The following ZNF704 variants were observed in gnomAD, a reference collection of about 807,000 sequenced individuals.
The protein encoded by ZNF704 is zinc finger protein 704, also known as glucocorticoid induced gene 1.
In ZNF704, 10 loss-of-function variants were observed where a neutral mutation model predicts 44.7. The ratio of observed to expected loss-of-function variants is 0.22; its 90% confidence interval spans 0.14 to 0.38. The LOEUF is 0.38. ZNF704 is among the 10% of genes least tolerant of loss of function. The pLI is 1.00. For missense variants in ZNF704, 390 were observed against 545.5 expected, an observed-to-expected ratio of 0.71 and a Z score of 2.84; for synonymous variants, 211 against 207.6, an observed-to-expected ratio of 1.02 and a Z score of -0.14.
chr8:80,803,990 CA>C (rs901644330), intron 2 of ZNF704, among the ~76,000 whole-genome samples: 8 of 151,304 alleles, frequency 5.3e-5, no homozygotes, highest in Admixed American at 1.3e-4. Context: ...TTAGAAGAAA[CA>C]AAAAAATCCA....
chr8:80,840,631 C>G (rs1317497134), intron 1 of ZNF704, among the ~76,000 whole-genome samples: 1 of 152,074 alleles, frequency 6.6e-6, no homozygotes, highest in Non-Finnish European at 1.5e-5. Flanking sequence ...TGCTCTATTC[C>G]CCGTCAGTCA....
At chr8:80,681,512 C>A (rs553489391) in intron 4 of ZNF704, among the ~76,000 whole-genome samples, 2 of 151,964 alleles carry the variant, frequency 1.3e-5, no homozygotes, top group Non-Finnish European at 2.9e-5. Flanking sequence ...TTGACTGAAG[C>A]GGCGTATGAG....
chr8:80,881,569 G>A, the ZNF704 span, among the ~76,000 whole-genome samples: 4 of 152,166 alleles, frequency 2.6e-5, no homozygotes, highest in African/African-American at 7.2e-5. Context: ...TAACCTCTGG[G>A]GAGGTGAACA....
chr8:80,752,854 T>G (rs1310692475), intron 2 of ZNF704, among the ~76,000 whole-genome samples: 2 of 152,168 alleles, frequency 1.3e-5, no homozygotes, highest in Non-Finnish European at 2.9e-5. Context: ...AAAATAATCT[T>G]TTAAAGTTGG....
chr8:80,830,524 A>G (rs1199185514), intron 1 of ZNF704, among the ~76,000 whole-genome samples: 1 of 152,104 alleles, frequency 6.6e-6, no homozygotes, highest in Non-Finnish European at 1.5e-5. Flanking sequence ...GGGTGATGGA[A>G]ATGTCCTAGG....
At chr8:80,808,975 C>G (rs1339481224) in intron 2 of ZNF704, among the ~76,000 whole-genome samples, 1 of 152,194 alleles carries the variant, frequency 6.6e-6, no homozygotes, top group Non-Finnish European at 1.5e-5. Flanking sequence ...AACAAAAATA[C>G]AGTTTCTACA....
At chr8:80,839,841 AGAG>A (rs1450309639) in intron 1 of ZNF704, among the ~76,000 whole-genome samples, 20 of 146,232 alleles carry the variant, frequency 1.4e-4, no homozygotes, top group African/African-American at 5.2e-4. Context: ...AGCCATAATG[AGAG>A]AGAGAGAGAG....
intron 2 of ZNF704, among the ~76,000 whole-genome samples, chr8:80,741,374 ACAGGTCTGAGGGAC>A: frequency 6.6e-6 from 1 of 152,236 alleles, no homozygotes; most frequent in East Asian, 1.9e-4. Context: ...GAGTCCTTAC[ACAGGTCTGAGGGAC>A]CAGCTTGCAA....
chr8:80,829,176 A>C (rs1231584033), intron 1 of ZNF704, among the ~76,000 whole-genome samples: 7 of 152,230 alleles, frequency 4.6e-5, no homozygotes, highest in African/African-American at 1.7e-4. Context: ...AAAGACATAA[A>C]ATATTTCAGA....
At chr8:80,781,342 C>T (rs948856728) in intron 2 of ZNF704, among the ~76,000 whole-genome samples, 1 of 152,122 alleles carries the variant, frequency 6.6e-6, no homozygotes, top group Non-Finnish European at 1.5e-5. Context: ...CTCAATTCTG[C>T]TACTATTTGC....
At chr8:80,711,100 T>C (rs117657589) in intron 2 of ZNF704, among the ~76,000 whole-genome samples, 2,069 of 152,276 alleles carry the variant, frequency 0.014, 23 homozygotes, top group Admixed American at 0.025. Flanking sequence ...AATAGGCACA[T>C]GAATCTCAGG....
chr8:80,814,126 A>G (rs1808137546), intron 2 of ZNF704: 1 of 152,230 alleles, frequency 6.6e-6, no homozygotes, highest in Non-Finnish European at 1.5e-5. Context: ...CCACCGTTCC[A>G]TTCAATGAAA....
chr8:80,823,840 C>T (rs1381902591), intron 1 of ZNF704, among the ~76,000 whole-genome samples: 1 of 152,218 alleles, frequency 6.6e-6, no homozygotes, highest in Non-Finnish European at 1.5e-5. Flanking sequence ...CAAACTCCAA[C>T]AGACCTGCAG....
At chr8:80,838,279 C>T (rs1808615100) in intron 1 of ZNF704, among the ~76,000 whole-genome samples, 1 of 152,176 alleles carries the variant, frequency 6.6e-6, no homozygotes, top group African/African-American at 2.4e-5. Flanking sequence ...TTCAAAAACG[C>T]AGTTAGAACA....
chr8:80,852,818 CTAGA>C (rs2130006324), intron 1 of ZNF704, among the ~76,000 whole-genome samples: 1 of 152,202 alleles, frequency 6.6e-6, no homozygotes, highest in African/African-American at 2.4e-5. Context: ...TTCAGAACTC[CTAGA>C]AAGAAATAAT....
chr8:80,777,070 C>A (rs1252282870), intron 2 of ZNF704: 1 of 151,990 alleles, frequency 6.6e-6, no homozygotes, highest in African/African-American at 2.4e-5. Flanking sequence ...AATTTTCTAT[C>A]CAATATAAAT....
intron 2 of ZNF704, among the ~76,000 whole-genome samples, chr8:80,698,519 C>A (rs1818759929): frequency 6.6e-6 from 1 of 152,056 alleles, no homozygotes; most frequent in Admixed American, 6.6e-5. Flanking sequence ...CCCTGGGAAG[C>A]ACTGAAGTGT....
At chr8:80,883,063 C>T in the ZNF704 span, among the ~76,000 whole-genome samples, 1 of 139,946 alleles carries the variant, frequency 7.1e-6, no homozygotes, top group African/African-American at 2.8e-5. Context: ...CATAATGAAA[C>T]CCTGTCTCTA....
chr8:80,856,219 A>C (rs889795556), intron 1 of ZNF704, among the ~76,000 whole-genome samples: 1 of 152,072 alleles, frequency 6.6e-6, no homozygotes, highest in African/African-American at 2.4e-5. Flanking sequence ...TCAGCCTCCC[A>C]AAGTGCCAGG....
Sources: allele counts gnomAD v4.1 joint callset (sites outside exome capture counted in the v4.1 genomes callset), GRCh38; gene constraint gnomAD v4.1.1; transcripts MANE v1.5; gene names NCBI Gene and HGNC (gene_info 2026-07-23, HGNC 2026-07-21).